SLC38A2: variants seen among roughly 807,000 people sequenced by gnomAD.
The protein encoded by SLC38A2 is sodium-coupled neutral amino acid symporter 2.
In SLC38A2, 11 loss-of-function variants were observed where a neutral mutation model predicts 61.5. The observed-to-expected ratio is 0.18, with a 90% CI of 0.11 to 0.30. The LOEUF (loss-of-function observed/expected upper bound fraction) is 0.30. SLC38A2 is among the 10% of genes least tolerant of loss of function. The pLI is 1.00. For missense variants in SLC38A2, 522 were observed against 600.4 expected (o/e 0.87, Z 1.36); for synonymous variants, 217 against 212.5 (o/e 1.02, Z -0.18).
chr12:46,372,210 A>G (rs1020226601), intron 1 of SLC38A2: 1 of 154,732 alleles, frequency 6.5e-6, no homozygotes, highest in Admixed American at 6.5e-5. Flanking sequence ...ATCAGTCACA[A>G]GACTTGCCGC....
At chr12:46,372,438 C>A in intron 1 of SLC38A2, 71 bp downstream of exon 1, 1 of 364,804 alleles carries the variant, frequency 2.7e-6, no homozygotes. Flanking sequence ...CGCGGCCCCT[C>A]CCGGAAGCCC....
intron 8 of SLC38A2, 47 bp from the exon 9 acceptor site, chr12:46,364,749 T>C (rs1183345622): frequency 6.5e-7 from 1 of 1,545,838 alleles, no homozygotes; most frequent in Non-Finnish European, 8.8e-7. Context: ...ATGAAACAGA[T>C]TTAAGGCAAA....
chr12:46,366,991 CG>C, intron 6 of SLC38A2, 46 bp from the exon 7 acceptor site: 1 of 1,606,218 alleles, frequency 6.2e-7, no homozygotes, highest in Non-Finnish European at 8.5e-7. Context: ...AAACGCGGCA[CG>C]TGACACTAAA....
chr12:46,364,880 G>T, intron 8 of SLC38A2, 178 bp from the exon 9 acceptor site: 1 of 670,580 alleles, frequency 1.5e-6, no homozygotes. Flanking sequence ...AAATATACTT[G>T]TCATAACCCA....
chr12:46,362,736 G>C, intron 13 of SLC38A2, 98 bp from the exon 14 acceptor site: 2 of 1,266,982 alleles, frequency 1.6e-6, no homozygotes, highest in East Asian at 2.7e-5. Context: ...AAGTAACAAG[G>C]AATCTATCCA....
chr12:46,358,606 A>G lies in SLC38A2; in HGVS notation c.*2505T>C, dbSNP rs562471650. The G allele has an allele frequency of 2.0e-5, 3 of 152,610 alleles. No homozygotes were observed. Among genetic ancestry groups the G allele is most frequent in the Admixed American group, 2.0e-4 (3 of 15,300 alleles). The allele number at this position is 152,610 out of a possible 1,614,324, so 9.5% of individuals were successfully genotyped here. A position where few individuals can be genotyped will look rare whatever the true frequency, so the allele number is the denominator to read the frequency against. ...TACAGGTACTTTTGGGACAATTCTT[A>G]TAGTTACATAATGTGAATTCATCAA... On this transcript the variant is annotated 3_prime_UTR_variant, in exon 16 of 16. Transcript: ENST00000256689.
intron 10 of SLC38A2, 142 bp from the exon 11 acceptor site, chr12:46,364,145 G>C (rs1565827807): frequency 1.3e-6 from 1 of 787,650 alleles, no homozygotes; most frequent in Non-Finnish European, 2.0e-6. Context: ...CTTCTAATCT[G>C]TTCATGAAGT....
Position 46,363,837 on chromosome 12 carries a change from C to G in SLC38A2, c.954-11G>C, listed in dbSNP as rs568653986. 1 of 1,585,242 alleles carries G rather than the reference C, an allele frequency of 6.3e-7. No homozygotes were observed. Among genetic ancestry groups the G allele is most frequent in the South Asian group, 1.2e-5 (1 of 85,936 alleles). On this transcript the variant is annotated splice_polypyrimidine_tract_variant and intron_variant, in intron 11 of 15. Transcript: ENST00000256689. ...CTTCTACGGCTGCGGCTATGTAATTCAAGAGAAAATTCAAATATATATTTC... is the reference window on the plus strand; with the variant it reads ...CTTCTACGGCTGCGGCTATGTAATTGAAGAGAAAATTCAAATATATATTTC...
At chr12:46,369,416 G>C (rs1943171291) in intron 4 of SLC38A2, among the ~76,000 whole-genome samples, 1 of 152,324 alleles carries the variant, frequency 6.6e-6, no homozygotes, top group East Asian at 1.9e-4. Context: ...TCACAAAGCA[G>C]AGATTTGCAA....
chr12:46,358,790 G>A lies in SLC38A2; in HGVS notation c.*2321C>T, dbSNP rs1203065511. ...AGGTTAGCTTTAATGGATTAATGTT[G>A]TTCTATAAATAACATTACAGTTGTA... On this transcript the variant is annotated 3_prime_UTR_variant, in exon 16 of 16. Transcript: ENST00000256689. The A allele has an allele frequency of 2.0e-5, 3 of 152,542 alleles. No homozygotes were observed. In the South Asian group the frequency reaches 6.2e-4, roughly 32 times the overall value. The allele number at this position is 152,542 out of a possible 1,614,324, so 9.4% of individuals were successfully genotyped here. A position where few individuals can be genotyped will look rare whatever the true frequency, so the allele number is the denominator to read the frequency against.
intron 2 of SLC38A2, 98 bp downstream of exon 2, chr12:46,371,080 G>A: frequency 9.4e-7 from 1 of 1,061,756 alleles, no homozygotes; most frequent in Non-Finnish European, 1.5e-6. Flanking sequence ...TTCTCTAAAT[G>A]CTATAGCAAA....
At position 46,363,905 on chromosome 12, in the gene SLC38A2, G is replaced by GT; in HGVS notation, c.953+18dup. Reference sequence around the variant, plus strand: ...TTGTCTAATATTTTCTCAAATTTATGTAAAAATGAAATACTCACTCTTTCA... The same window carrying GT: ...TTGTCTAATATTTTCTCAAATTTATGTTAAAAATGAAATACTCACTCTTTCA... On this transcript the variant is annotated intron_variant, in intron 11 of 15. Coordinates refer to ENST00000256689, the MANE Select transcript of SLC38A2 (RefSeq NM_018976.5). The GT allele has an allele frequency of 6.3e-7, 1 of 1,597,162 alleles. No individual in the cohort carries two copies. Among genetic ancestry groups the GT allele is most frequent in the Non-Finnish European group, 8.5e-7 (1 of 1,174,324 alleles).
At chr12:46,371,041 A>G in intron 2 of SLC38A2, 137 bp downstream of exon 2, 1 of 870,234 alleles carries the variant, frequency 1.1e-6, no homozygotes, top group Non-Finnish European at 1.9e-6. Context: ...CAACAAGATA[A>G]TCGGATACTC....
intron 13 of SLC38A2, 147 bp from the exon 14 acceptor site, chr12:46,362,785 TCTG>T: frequency 9.9e-7 from 1 of 1,009,356 alleles, no homozygotes; most frequent in Non-Finnish European, 1.4e-6. Context: ...TGCCTCTTTC[TCTG>T]CTGTTTCCTG....
At chr12:46,364,105 TAA>T (rs998805987) in intron 10 of SLC38A2, 102 bp from the exon 11 acceptor site, 42 of 1,072,794 alleles carry the variant, frequency 3.9e-5, no homozygotes, top group Non-Finnish European at 5.4e-5. Flanking sequence ...AATCAAAGCC[TAA>T]GTTTCCTTTG....
At position 46,358,321 on chromosome 12, in the gene SLC38A2, A is replaced by T. The variant is rs1943043323; in HGVS notation, c.*2790T>A. The stretch of plus-strand genomic sequence containing the variant: ...CTAACAGTACAGTGGGGATATTTAC[A>T]CTATATACACAAAGTTAATACACCC... On this transcript the variant is annotated 3_prime_UTR_variant, in exon 16 of 16. Coordinates refer to ENST00000256689, the MANE Select transcript of SLC38A2 (RefSeq NM_018976.5). 1 of 152,652 alleles carries T rather than the reference A, an allele frequency of 6.6e-6. No individual in the cohort carries two copies. The highest frequency in any genetic ancestry group is 6.5e-5 in the Admixed American group (1 of 15,276). The allele number at this position is 152,652 out of a possible 1,614,324, so 9.5% of individuals were successfully genotyped here.
At position 46,364,488 on chromosome 12, in the gene SLC38A2, G is replaced by A. The variant is rs758142815; in HGVS notation, c.774C>T (p.Asn258=). ...GAGCTGTTGGCTGTGTTAAGGTGGT[G>A]TTTATTGTTTCGTTAATTATCAAAG... is the stretch of plus-strand genomic sequence containing the variant. ...EAALIINETI[N]TTLTQPTALV... is the part of the protein sequence containing the mutation. The change falls in exon 10 of 16, where the codon AAC becomes AAT. Residue 258 remains asparagine (N), a synonymous_variant. Transcript: ENST00000256689. 27 of 1,612,662 alleles carry A rather than the reference G, an allele frequency of 1.7e-5. No individual in the cohort carries two copies. Among genetic ancestry groups the A allele is most frequent in the Non-Finnish European group, 2.3e-5 (27 of 1,179,328 alleles).
Position 46,371,381 on chromosome 12 carries a change from T to G in SLC38A2, c.-86-2A>C, listed in dbSNP as rs1943197038. 1 of 1,075,526 alleles carries G rather than the reference T, an allele frequency of 9.3e-7. No homozygotes were observed. The highest frequency in any genetic ancestry group is 2.0e-5 in the Admixed American group (1 of 49,394). 66.6% of individuals were successfully genotyped at this position (1,075,526 alleles called of 1,614,324 possible). A position where few individuals can be genotyped will look rare whatever the true frequency, so the allele number is the denominator to read the frequency against. The stretch of plus-strand genomic sequence containing the variant: ...GGGTGCAGCGGCCCGCGAGTCGGCC[T>G]GCGAAAGTAGAGGCGGCGCGTCAGG... On this transcript the variant is annotated splice_acceptor_variant, in intron 1 of 15. Coordinates refer to ENST00000256689, the MANE Select transcript of SLC38A2 (RefSeq NM_018976.5). LOFTEE classifies it low-confidence loss of function (5UTR_SPLICE).
chr12:46,362,899 AACC>A, intron 13 of SLC38A2, 119 bp downstream of exon 13: 2 of 1,302,922 alleles, frequency 1.5e-6, no homozygotes, highest in Non-Finnish European at 2.1e-6. Context: ...GCCCCTTCAA[AACC>A]ACCACCAACT....
Sources: allele counts gnomAD v4.1 joint callset (sites outside exome capture counted in the v4.1 genomes callset), GRCh38; gene constraint gnomAD v4.1.1; transcripts MANE v1.5; gene names NCBI Gene and HGNC (gene_info 2026-07-23, HGNC 2026-07-21).